Variants in SCLY observed in about 807,000 individuals in gnomAD.
The protein encoded by SCLY is selenocysteine lyase, also known as putative selenocysteine lyase.
A neutral mutation model predicts 50.1 loss-of-function variants in SCLY; 38 were observed. The observed-to-expected ratio is 0.76, with a 90% CI of 0.59 to 0.99. The LOEUF (loss-of-function observed/expected upper bound fraction) is 0.99, where lower values mean the gene tolerates loss of function less well. Among genes scored for constraint, SCLY ranks in the 50% least tolerant of loss-of-function variants. SCLY has a pLI of 0.00. For synonymous variants in SCLY, 243 were observed against 249.4 expected, an observed-to-expected ratio of 0.97 and a Z score of 0.24; for missense variants, 600 against 620.0, an observed-to-expected ratio of 0.97 and a Z score of 0.34.
chr2:238,084,602 A>G (rs1392044957), intron 7 of SCLY, among the ~76,000 whole-genome samples: 1 of 146,538 alleles, frequency 6.8e-6, no homozygotes, highest in African/African-American at 2.5e-5. Context: ...AAAAAAAAAA[A>G]AAAAAAAAAA....
At position 238,066,958 on chromosome 2, in the gene SCLY, T is replaced by C. The variant is rs1177043550; in HGVS notation, c.203-1107T>C. ...CCCTTTATAAAACCATCAGATTTCA[T>C]GAGACTGATTCACTATCACGAGACT... On this transcript the variant is annotated intron_variant, in intron 2 of 11. Coordinates refer to ENST00000254663, the MANE Select transcript of SCLY (RefSeq NM_016510.7). This position sits in a 1 kb window ranked among gnomAD's most constrained non-coding sequence, Gnocchi z 4.1. Among the ~76,000 whole-genome samples, 4 of 152,096 alleles carry C rather than the reference T, an allele frequency of 2.6e-5. No homozygotes were observed. Among genetic ancestry groups the C allele is most frequent in the Non-Finnish European group, 5.9e-5 (4 of 68,004 alleles).
chr2:238,085,104 A>G (rs916190261), intron 7 of SCLY, among the ~76,000 whole-genome samples: 5 of 152,196 alleles, frequency 3.3e-5, no homozygotes, highest in African/African-American at 1.2e-4. Context: ...TTCAAATTGA[A>G]TGAACAATAA....
At position 238,061,018 on chromosome 2, in the gene SCLY, G is replaced by C; in HGVS notation, c.-37G>C. ...CGCTCTGGGCCCGTAGCGCTCCGCG[G>C]GAAGGAGGCTGGATGCCCGGCAGCA... On this transcript the variant is annotated 5_prime_UTR_variant, in exon 1 of 12. Transcript: ENST00000254663. 7.4e-7 allele frequency: 1 copy of C among 1,349,400 alleles called. No homozygotes were observed. Among genetic ancestry groups the C allele is most frequent in the Non-Finnish European group, 9.5e-7 (1 of 1,054,862 alleles). 83.6% of individuals were successfully genotyped at this position (1,349,400 alleles called of 1,614,324 possible).
chr2:238,077,582 A>G (rs1462074223), intron 4 of SCLY, among the ~76,000 whole-genome samples: 2 of 152,234 alleles, frequency 1.3e-5, no homozygotes, highest in Non-Finnish European at 2.9e-5. Flanking sequence ...CTCATAAACC[A>G]TAAATACAAA....
intron 10 of SCLY, among the ~76,000 whole-genome samples, chr2:238,096,473 G>A (rs945199899): frequency 3.3e-5 from 5 of 152,184 alleles, no homozygotes; most frequent in South Asian, 2.1e-4. Context: ...AGGTGGAGAC[G>A]TGATATTGCC....
chr2:238,091,024 C>G (rs553011165), intron 7 of SCLY, among the ~76,000 whole-genome samples, 194 bp from the exon 8 acceptor site: 1 of 152,316 alleles, frequency 6.6e-6, no homozygotes, highest in Non-Finnish European at 1.5e-5. Context: ...TTGACCTTCA[C>G]TGGGCCAGGG....
chr2:238,064,726 G>T, intron 2 of SCLY: 1 of 263,744 alleles, frequency 3.8e-6, no homozygotes, highest in Non-Finnish European at 7.3e-6. Flanking sequence ...AGATGAGAAA[G>T]GTGTCTACTG....
At position 238,081,713 on chromosome 2, in the gene SCLY, C is replaced by G; in HGVS notation, c.489C>G (p.Val163=). 6.2e-7 allele frequency: 1 copy of G among 1,613,248 alleles called. No individual in the cohort carries two copies. Among genetic ancestry groups the G allele is most frequent in the Non-Finnish European group, 8.5e-7 (1 of 1,179,266 alleles). Residue 163 remains valine (V), a synonymous_variant, in exon 5 of 12, where the codon GTC becomes GTG. Transcript: ENST00000254663. ...EHLVEEQVAA[V]TFVPVSKVSG... ...GTACTCATGTTTGTTTCCCAGCGGT[C>G]ACCTTTGTCCCGGTGTCCAAGGTGA...
At chr2:238,087,457 T>C (rs1440738290) in intron 7 of SCLY, among the ~76,000 whole-genome samples, 1 of 152,200 alleles carries the variant, frequency 6.6e-6, no homozygotes, top group African/African-American at 2.4e-5. Context: ...TCACTTGATA[T>C]AAAATAGATC....
chr2:238,097,860 C>T (rs899805024), intron 11 of SCLY, among the ~76,000 whole-genome samples: 1 of 152,092 alleles, frequency 6.6e-6, no homozygotes, highest in Admixed American at 6.5e-5. Context: ...GGGTAAGGCA[C>T]TGTCTGTGTC....
chr2:238,084,893 C>CAAAAAAAAAAAAAAAAAAAAAAA (rs377025100), intron 7 of SCLY, among the ~76,000 whole-genome samples: 1 of 107,510 alleles, frequency 9.3e-6, no homozygotes, highest in African/African-American at 3.7e-5. Flanking sequence ...GACTCCATCT[C>CAAAAAAAAAAAAAAAAAAAAAAA]AAAAAAAAAA....
At chr2:238,080,560 T>G (rs2065226325) in intron 4 of SCLY, 1 of 152,304 alleles carries the variant, frequency 6.6e-6, no homozygotes, top group South Asian at 2.1e-4. Context: ...CCCCCCAACT[T>G]TTCTCGTGAC....
intron 1 of SCLY, 92 bp downstream of exon 1, chr2:238,061,235 C>T: frequency 9.9e-7 from 1 of 1,009,004 alleles, no homozygotes; most frequent in Non-Finnish European, 1.5e-6. Context: ...GGCCTGTGGC[C>T]GCTCTCGCGT....
In SCLY at chr2:238,082,180, G is replaced by T. The variant is rs138193153; in HGVS notation, c.748G>T (p.Val250Leu). 3 of 1,610,758 alleles carry T rather than the reference G, an allele frequency of 1.9e-6. No homozygotes were observed. The highest frequency in any genetic ancestry group is 2.5e-6 in the Non-Finnish European group (3 of 1,179,048). ...GCGCGTGGATGTGGAGGACCTGGGC[G>T]TGGACTTCCTTACAATCGTGGGGCA... ...KQRVDVEDLGVDFLTIVGHKF... is the reference protein window; with the variant it reads ...KQRVDVEDLGLDFLTIVGHKF... Residue 250 changes from valine (V) to leucine (L), a missense_variant, in exon 6 of 12, where the codon GTG (valine) becomes TTG (leucine). Physicochemically the swap from Val to Leu is conservative, Grantham distance 32. Coordinates refer to ENST00000254663, the MANE Select transcript of SCLY (RefSeq NM_016510.7).
intron 4 of SCLY, among the ~76,000 whole-genome samples, chr2:238,075,205 T>G (rs2065161699): frequency 6.6e-6 from 1 of 152,234 alleles, no homozygotes; most frequent in Non-Finnish European, 1.5e-5. Flanking sequence ...TTATTCTGTT[T>G]GTAATGTTGT....
chr2:238,098,130 C>A, intron 11 of SCLY, 72 bp from the exon 12 acceptor site: 2 of 1,550,746 alleles, frequency 1.3e-6, no homozygotes, highest in South Asian at 1.2e-5. Flanking sequence ...GGGGAGTGGT[C>A]CAGAGCAGGG....
intron 4 of SCLY, chr2:238,080,820 T>C (rs1344815591): frequency 6.6e-6 from 1 of 152,316 alleles, no homozygotes; most frequent in Non-Finnish European, 1.5e-5. Context: ...TGCCCTGCGC[T>C]TCCCGCTGTC....
At position 238,098,772 on chromosome 2, in the gene SCLY, A is replaced by T; in HGVS notation, c.*417A>T. 2.8e-6 allele frequency: 1 copy of T among 361,298 alleles called. No individual in the cohort carries two copies. The highest frequency in any genetic ancestry group is 4.3e-5 in the East Asian group (1 of 23,520). 22.4% of individuals were successfully genotyped at this position (361,298 alleles called of 1,614,324 possible). A position where few individuals can be genotyped will look rare whatever the true frequency, so the allele number is the denominator to read the frequency against. ...TTTCCTGGAAGGTGTTTTTATCTGG[A>T]AGATAGAATCCAAGTATTTATAACT... On this transcript the variant is annotated 3_prime_UTR_variant, in exon 12 of 12. Coordinates refer to ENST00000254663, the MANE Select transcript of SCLY (RefSeq NM_016510.7).
At chr2:238,095,544 C>G (rs1428909662) in intron 10 of SCLY, 1 of 152,178 alleles carries the variant, frequency 6.6e-6, no homozygotes, top group Non-Finnish European at 1.5e-5. Flanking sequence ...CGTGGGTAAC[C>G]GTCATGATGG....
Sources: allele counts gnomAD v4.1 joint callset (sites outside exome capture counted in the v4.1 genomes callset), GRCh38; gene constraint gnomAD v4.1.1; non-coding constraint Gnocchi (gnomAD v3.1); transcripts MANE v1.5; gene names NCBI Gene and HGNC (gene_info 2026-07-23, HGNC 2026-07-21).